CDH4: variants seen among roughly 807,000 people sequenced by gnomAD.
CDH4 encodes the protein cadherin 4.
CDH4 carries 33 observed loss-of-function variants against 86.0 expected under a neutral mutation model. The observed-to-expected ratio is 0.38, with a 90% CI of 0.29 to 0.51. The LOEUF is 0.51. CDH4 is among the 20% of genes least tolerant of loss of function. The pLI, the probability that CDH4 is intolerant of heterozygous loss-of-function variation, is 0.86. For missense variants in CDH4, 1,114 were observed against 1,307.4 expected (o/e 0.85, Z 2.28); for synonymous variants, 555 against 549.4 (o/e 1.01, Z -0.14).
intron 3 of CDH4, among the ~76,000 whole-genome samples, chr20:61,756,824 C>T (rs1694426027): frequency 6.6e-6 from 1 of 152,138 alleles, no homozygotes; most frequent in Admixed American, 6.5e-5. Context: ...GATGGTCCCC[C>T]AGGGCTCTCC....
chr20:61,633,067 CATCCATCT>C (rs2086910059), intron 2 of CDH4, among the ~76,000 whole-genome samples: 1 of 151,566 alleles, frequency 6.6e-6, no homozygotes, highest in Admixed American at 6.6e-5. Flanking sequence ...TTCATTCACC[CATCCATCT>C]ATCCATCTAT....
intron 2 of CDH4, among the ~76,000 whole-genome samples, chr20:61,635,376 A>T (rs1303033880): frequency 6.6e-6 from 1 of 152,102 alleles, no homozygotes; most frequent in Non-Finnish European, 1.5e-5. Flanking sequence ...AATATAACCA[A>T]CCCAGTCACC....
At chr20:61,881,454 G>A (rs962261701) in intron 7 of CDH4, among the ~76,000 whole-genome samples, 4 of 152,260 alleles carry the variant, frequency 2.6e-5, no homozygotes, top group South Asian at 2.1e-4. Context: ...AGCCGCTCCC[G>A]TGAGCCGGCC....
intron 2 of CDH4, among the ~76,000 whole-genome samples, chr20:61,291,646 T>TG (rs2084321454): frequency 6.6e-6 from 1 of 151,800 alleles, no homozygotes; most frequent in Non-Finnish European, 1.5e-5. Flanking sequence ...AGGCCAAACA[T>TG]GCGGGCACCC....
intron 2 of CDH4, among the ~76,000 whole-genome samples, chr20:61,366,472 G>A (rs1259878473): frequency 1.3e-5 from 2 of 152,176 alleles, no homozygotes; most frequent in Admixed American, 6.5e-5. Flanking sequence ...GAAATCAGGG[G>A]TCTCACAGCC....
At position 61,494,845 on chromosome 20, in the gene CDH4, T is replaced by C. The variant is rs111617342; in HGVS notation, c.169+239908T>C. 6.4e-3 allele frequency among the ~76,000 whole-genome samples: 977 copies of C among 152,374 alleles called. 10 individuals are homozygous for C. Among genetic ancestry groups the C allele is most frequent in the African/African-American group, 0.023 (945 of 41,598 alleles). On this transcript the variant is annotated intron_variant, in intron 2 of 15. Transcript: ENST00000614565. ...GAAGGTGGAGCATCTGAGGCTGTGA[T>C]TGAGTGTGGTAGCGCCTCGTGCATG...
intron 2 of CDH4, among the ~76,000 whole-genome samples, chr20:61,520,145 C>T (rs1262421958): frequency 6.6e-6 from 1 of 152,158 alleles, no homozygotes; most frequent in East Asian, 1.9e-4. Flanking sequence ...CAGAAATGCC[C>T]ATGTCCATGG....
intron 2 of CDH4, among the ~76,000 whole-genome samples, chr20:61,349,515 A>G (rs1352059199): frequency 2.6e-5 from 4 of 152,238 alleles, no homozygotes. Context: ...GGGAAGGGTG[A>G]GCGCAGAGCC....
At chr20:61,860,206 C>T (rs1012336557) in intron 6 of CDH4, among the ~76,000 whole-genome samples, 2 of 152,236 alleles carry the variant, frequency 1.3e-5, no homozygotes, top group Non-Finnish European at 2.9e-5. Context: ...CCTGACTCCA[C>T]CAAGGTAATT....
intron 2 of CDH4, among the ~76,000 whole-genome samples, chr20:61,448,104 G>C (rs1308293008): frequency 6.6e-6 from 1 of 152,242 alleles, no homozygotes; most frequent in African/African-American, 2.4e-5. Context: ...GATCTTAAAA[G>C]TGGGTTGGCC....
At chr20:61,408,982 A>G (rs1323536481) in intron 2 of CDH4, among the ~76,000 whole-genome samples, 1 of 152,112 alleles carries the variant, frequency 6.6e-6, no homozygotes, top group Non-Finnish European at 1.5e-5. Flanking sequence ...TCTGCTTTTC[A>G]ATGTGGCGTT....
rs1328258064 is a variant in CDH4, at chr20:61,544,324, C to T, written c.170-199239C>T. ...CACCCCACAGCCCAGGACAGCCTCG[C>T]AGCAGAAGCATCCAGCTCCATGTAT... On this transcript the variant is annotated intron_variant, in intron 2 of 15. Transcript: ENST00000614565. The surrounding 1 kb of genome is among the most constrained non-coding windows in gnomAD (Gnocchi z 6.5). Among the ~76,000 whole-genome samples, 1 of 151,936 alleles carries T rather than the reference C, an allele frequency of 6.6e-6. No homozygotes were observed. Among genetic ancestry groups the T allele is most frequent in the Admixed American group, 6.5e-5 (1 of 15,278 alleles).
At chr20:61,837,897 C>T (rs1981952815) in intron 4 of CDH4, among the ~76,000 whole-genome samples, 1 of 152,150 alleles carries the variant, frequency 6.6e-6, no homozygotes, top group African/African-American at 2.4e-5. Context: ...GCCACATCTC[C>T]CTTCCTCCCC....
At chr20:61,481,255 G>A (rs991398244) in intron 2 of CDH4, among the ~76,000 whole-genome samples, 1 of 152,206 alleles carries the variant, frequency 6.6e-6, no homozygotes, top group Non-Finnish European at 1.5e-5. Context: ...ATTGAGGGAC[G>A]GAGGCCAGGG....
chr20:61,288,192 A>G (rs555611622), intron 2 of CDH4, among the ~76,000 whole-genome samples: 7 of 71,484 alleles, frequency 9.8e-5, no homozygotes, highest in East Asian at 1.1e-3. Context: ...ATCCAGTTAC[A>G]TTTTCCCAGA....
chr20:61,376,610 C>G (rs1165913414), intron 2 of CDH4, among the ~76,000 whole-genome samples: 1 of 152,118 alleles, frequency 6.6e-6, no homozygotes. Flanking sequence ...TGGGGAAAGG[C>G]TAGTCTGGGG....
At chr20:61,334,189 A>T (rs1466006886) in intron 2 of CDH4, among the ~76,000 whole-genome samples, 4 of 152,098 alleles carry the variant, frequency 2.6e-5, no homozygotes, top group African/African-American at 9.7e-5. Flanking sequence ...TCTGCTTCCT[A>T]TTGCAACTCT....
intron 2 of CDH4, among the ~76,000 whole-genome samples, chr20:61,440,830 G>A (rs1292700633): frequency 6.6e-6 from 1 of 152,230 alleles, no homozygotes; most frequent in Non-Finnish European, 1.5e-5. Context: ...ACAGCATGGG[G>A]AGAAGTTCTG....
chr20:61,756,259 T>A (rs552459676), intron 3 of CDH4, among the ~76,000 whole-genome samples: 5,117 of 152,240 alleles, frequency 0.034, 289 homozygotes, highest in African/African-American at 0.12. Context: ...GGCCAGGGGC[T>A]CGGCTTCTCC....
Sources: allele counts gnomAD v4.1 joint callset (sites outside exome capture counted in the v4.1 genomes callset), GRCh38; gene constraint gnomAD v4.1.1; non-coding constraint Gnocchi (gnomAD v3.1); transcripts MANE v1.5; gene names NCBI Gene and HGNC (gene_info 2026-07-23, HGNC 2026-07-21).